SLC7A11: variants seen among roughly 807,000 people sequenced by gnomAD.
The protein encoded by SLC7A11 is cystine/glutamate transporter.
A neutral mutation model predicts 54.5 loss-of-function variants in SLC7A11; 35 were observed. The observed-to-expected ratio is 0.64, with a 90% CI of 0.49 to 0.85. SLC7A11 has a LOEUF of 0.85. Among genes scored for constraint, SLC7A11 ranks in the 40% least tolerant of loss-of-function variants. The pLI, the probability that SLC7A11 is intolerant of heterozygous loss-of-function variation, is 0.00. For synonymous variants in SLC7A11, 230 were observed against 225.2 expected (o/e 1.02, Z -0.19); for missense variants, 583 against 618.1 (o/e 0.94, Z 0.60).
In SLC7A11 at chr4:138,182,350, G is replaced by A. The variant is rs145924460; in HGVS notation, c.1063C>T (p.Leu355Phe). ...ASREGHLPEI[L>F]SMIHVRKHTP... ...TGCTTGCGGACATGAATCATGGAGA[G>A]GATTTCTGGAAGGTGACCCTCTCGA... Residue 355 changes from leucine to phenylalanine, a missense_variant, in exon 9 of 12, where the codon CTC becomes TTC. Transcript: ENST00000280612. 5.9e-5 allele frequency: 95 copies of A among 1,612,198 alleles called. 1 individual carries two copies. The highest frequency in any genetic ancestry group is 7.7e-5 in the Non-Finnish European group (91 of 1,178,686).
chr4:138,198,431 G>A (rs4241939), intron 6 of SLC7A11, among the ~76,000 whole-genome samples: 61,032 of 151,980 alleles, frequency 0.4, 13,215 homozygotes, highest in Middle Eastern at 0.6. Context: ...TGGTAACCAC[G>A]TGTAGCTGCT....
intron 8 of SLC7A11, 122 bp from the exon 9 acceptor site, chr4:138,182,515 A>G (rs2148413376): frequency 1.6e-6 from 1 of 625,762 alleles, no homozygotes; most frequent in South Asian, 1.9e-5. Context: ...TCCTTAGGTG[A>G]TTGCCTAAGT....
At chr4:138,213,820 T>C (rs894387289) in intron 6 of SLC7A11, among the ~76,000 whole-genome samples, 8 of 152,154 alleles carry the variant, frequency 5.3e-5, no homozygotes, top group Non-Finnish European at 2.9e-5. Context: ...GCACAATGAT[T>C]GGAACATAGC....
rs958268837 is a variant in SLC7A11, at chr4:138,215,298, C to T, written c.747-669G>A. ...TTATCTTATTATTATTAAAAGTAACCTTTTACATAGGTATGCAGGAGCACA... is the reference window on the plus strand; with the variant it reads ...TTATCTTATTATTATTAAAAGTAACTTTTTACATAGGTATGCAGGAGCACA... On this transcript the variant is annotated intron_variant, in intron 5 of 11. Coordinates refer to ENST00000280612, the MANE Select transcript of SLC7A11 (RefSeq NM_014331.4). Among the ~76,000 whole-genome samples, 16 of 151,940 alleles carry T rather than the reference C, an allele frequency of 1.1e-4. No homozygotes were observed. In the South Asian group the frequency reaches 2.9e-3, roughly 28 times the overall value.
chr4:138,208,535 AAGTCAT>A (rs1365325532), intron 6 of SLC7A11, among the ~76,000 whole-genome samples: 9 of 152,210 alleles, frequency 5.9e-5, no homozygotes, highest in Admixed American at 5.2e-4. Flanking sequence ...GTCACCACAA[AAGTCAT>A]GTCATAAGGC....
chr4:138,165,307 C>T lies in SLC7A11; in HGVS notation c.*6649G>A, dbSNP rs572300398. The T allele has an allele frequency of 3.9e-5, 6 of 152,666 alleles. No individual in the cohort carries two copies. The highest frequency in any genetic ancestry group is 4.1e-4 in the South Asian group (2 of 4,832). The allele number at this position is 152,666 out of a possible 1,614,324, so 9.5% of individuals were successfully genotyped here. A position where few individuals can be genotyped will look rare whatever the true frequency, so the allele number is the denominator to read the frequency against. On this transcript the variant is annotated 3_prime_UTR_variant, in exon 12 of 12. Coordinates refer to ENST00000280612, the MANE Select transcript of SLC7A11 (RefSeq NM_014331.4). Reference sequence around the variant, plus strand: ...CATCACTACCATGTAATCCATTCTACGCAAGCTCTACAAATATTGAGTCAA... The same window carrying T: ...CATCACTACCATGTAATCCATTCTATGCAAGCTCTACAAATATTGAGTCAA...
intron 1 of SLC7A11, among the ~76,000 whole-genome samples, chr4:138,239,860 C>T (rs13137929): frequency 0.96 from 145,887 of 152,314 alleles, 70,145 homozygotes; most frequent in East Asian, 1. Context: ...CACATAAGTA[C>T]GCAAAGTCCA....
At chr4:138,188,209 C>T (rs936557452) in intron 6 of SLC7A11, among the ~76,000 whole-genome samples, 8 of 152,070 alleles carry the variant, frequency 5.3e-5, no homozygotes, top group African/African-American at 1.9e-4. Flanking sequence ...ATTATAGGCA[C>T]CCATCACTAT....
intron 11 of SLC7A11, chr4:138,176,572 G>C (rs1008255609): frequency 1.5e-4 from 23 of 152,286 alleles, no homozygotes; most frequent in South Asian, 6.2e-4. Flanking sequence ...GTGCTTGTTA[G>C]CAAGAGGAAA....
chr4:138,236,388 A>G lies in SLC7A11; in HGVS notation c.341T>C (p.Ile114Thr). Residue 114 changes from isoleucine to threonine, a missense_variant, in exon 2 of 12, where the codon ATT becomes ACT. Physicochemically the swap from Ile to Thr is moderately conservative, Grantham distance 89. Coordinates refer to ENST00000280612, the MANE Select transcript of SLC7A11 (RefSeq NM_014331.4). Reference protein sequence around the residue: ...IKKSGGHYTYILEVFGPLPAF... With the variant: ...IKKSGGHYTYTLEVFGPLPAF... ...TGGTAATGGACCAAAGACTTCCAAA[A>G]TATATGTGTAATGACCTCCAGATTT... 8 of 1,613,438 alleles carry G rather than the reference A, an allele frequency of 5.0e-6. No homozygotes were observed. The highest frequency in any genetic ancestry group is 6.8e-6 in the Non-Finnish European group (8 of 1,179,466).
At chr4:138,202,707 C>G (rs950243077) in intron 6 of SLC7A11, among the ~76,000 whole-genome samples, 3 of 152,132 alleles carry the variant, frequency 2.0e-5, no homozygotes, top group Admixed American at 1.3e-4. Context: ...GAATTTGCTA[C>G]TCCACCATTT....
rs181090369 is a variant in SLC7A11, at chr4:138,238,610, T to A, written c.278-2159A>T. Among the ~76,000 whole-genome samples, 1,289 of 151,544 alleles carry A rather than the reference T, an allele frequency of 8.5e-3. 22 individuals carry two copies. The highest frequency in any genetic ancestry group is 0.029 in the African/African-American group (1,175 of 41,152). ...CCTAGGAATAATTTTTTTTTTTTTTTAATTTTTGAGATAGGGTATCACTCT... is the reference window on the plus strand; with the variant it reads ...CCTAGGAATAATTTTTTTTTTTTTTAAATTTTTGAGATAGGGTATCACTCT... On this transcript the variant is annotated intron_variant, in intron 1 of 11. Coordinates refer to ENST00000280612, the MANE Select transcript of SLC7A11 (RefSeq NM_014331.4).
chr4:138,183,410 T>C (rs1221688017), intron 7 of SLC7A11, 105 bp from the exon 8 acceptor site: 1 of 707,166 alleles, frequency 1.4e-6, no homozygotes, highest in Non-Finnish European at 2.5e-6. Context: ...AGCCTGGTGA[T>C]ACTTGTATGT....
chr4:138,180,658 T>C lies in SLC7A11; in HGVS notation c.1249A>G (p.Met417Val), dbSNP rs1736714702. The stretch of plus-strand genomic sequence containing the variant: ...GAGGTTACCTTGAAAGGACGATGCA[T>C]ATCTGGGCATTTGTATCGAAGATAA... ...LIYLRYKCPD[M>V]HRPFKVPLFI... The change falls in exon 10 of 12, where the codon ATG becomes GTG. Residue 417 changes from methionine to valine, a missense_variant. Met to Val is a conservative substitution (Grantham distance 21). Coordinates refer to ENST00000280612, the MANE Select transcript of SLC7A11 (RefSeq NM_014331.4). 6.2e-7 allele frequency: 1 copy of C among 1,612,974 alleles called. No homozygotes were observed. Among genetic ancestry groups the C allele is most frequent in the East Asian group, 2.2e-5 (1 of 44,728 alleles).
intron 7 of SLC7A11, among the ~76,000 whole-genome samples, chr4:138,183,690 A>G (rs1398026179): frequency 6.6e-6 from 1 of 152,110 alleles, no homozygotes; most frequent in Non-Finnish European, 1.5e-5. Flanking sequence ...AGCCTGGAAA[A>G]CCAAATTTTA....
chr4:138,188,854 G>A (rs888572402), intron 6 of SLC7A11, among the ~76,000 whole-genome samples: 1 of 152,146 alleles, frequency 6.6e-6, no homozygotes, highest in Non-Finnish European at 1.5e-5. Flanking sequence ...ACAAAATTAA[G>A]TTCTATTCTT....
rs1197347081 is a variant in SLC7A11, at chr4:138,165,764, A to G, written c.*6192T>C. The G allele has an allele frequency of 6.6e-6, 1 of 152,206 alleles. No homozygotes were observed. The highest frequency in any genetic ancestry group is 1.5e-5 in the Non-Finnish European group (1 of 68,022). 9.4% of individuals were successfully genotyped at this position (152,206 alleles called of 1,614,324 possible). A position where few individuals can be genotyped will look rare whatever the true frequency, so the allele number is the denominator to read the frequency against. ...TGAACATGAATAACATCAAAGGAAG[A>G]ACCCAGTTCTTAAGACTTAAGTAGG... On this transcript the variant is annotated 3_prime_UTR_variant, in exon 12 of 12. Coordinates refer to ENST00000280612, the MANE Select transcript of SLC7A11 (RefSeq NM_014331.4).
chr4:138,228,408 A>T (rs1051162898), intron 3 of SLC7A11, among the ~76,000 whole-genome samples: 2 of 152,142 alleles, frequency 1.3e-5, no homozygotes, highest in African/African-American at 4.8e-5. Context: ...GCATACTTCA[A>T]TGCTTATTGA....
rs1351184077 is a variant in SLC7A11 at position 138,168,884 on chromosome 4, C to A, written c.*3072G>T. 6.6e-6 allele frequency: 1 copy of A among 152,084 alleles called. No homozygotes were observed. The allele number at this position is 152,084 out of a possible 1,614,324, so 9.4% of individuals were successfully genotyped here. On this transcript the variant is annotated 3_prime_UTR_variant, in exon 12 of 12. Transcript: ENST00000280612. ...TGGATCAAAGGAATATAATCTAATA[C>A]TTTTTAAATGGGGTCAAAACAGTAT...
Sources: gnomAD v4.1 joint callset for allele counts (sites outside exome capture counted in the v4.1 genomes callset) on GRCh38, gnomAD v4.1.1 for gene constraint, MANE v1.5 for transcripts, NCBI Gene and HGNC (gene_info 2026-07-23, HGNC 2026-07-21) for gene names.